The following SH3RF2 variants were observed in gnomAD, a reference collection of about 807,000 sequenced individuals.
The protein encoded by SH3RF2 is E3 ubiquitin-protein ligase SH3RF2.
In SH3RF2, 43 loss-of-function variants were observed where a neutral mutation model predicts 59.0. The ratio of observed to expected loss-of-function variants is 0.73; its 90% CI spans 0.57 to 0.94. The LOEUF (loss-of-function observed/expected upper bound fraction) is 0.94. Ranked by LOEUF, SH3RF2 falls within the 40% of genes least tolerant of loss-of-function variation. SH3RF2 has a pLI of 0.00. For synonymous variants in SH3RF2, 391 were observed against 391.5 expected (o/e 1.00, Z 0.01); for missense variants, 930 against 940.1 (o/e 0.99, Z 0.14).
At chr5:146,022,981 TTC>T (rs1761387586) in intron 5 of SH3RF2, among the ~76,000 whole-genome samples, 1 of 152,120 alleles carries the variant, frequency 6.6e-6, no homozygotes, top group Non-Finnish European at 1.5e-5. Flanking sequence ...CTTATGAATG[TTC>T]TTAGTGTTTG....
Position 146,041,087 on chromosome 5 carries a change from G to T in SH3RF2, c.1060-6685G>T, listed in dbSNP as rs987151996. On this transcript the variant is annotated intron_variant, in intron 5 of 9. Transcript: ENST00000359120. ...CTACAGAAAGGACTCTGAGCCTAGG[G>T]TCCTTGCTTCTGGCATCAAGCTGTC... is the stretch of plus-strand genomic sequence containing the variant. 2.6e-5 allele frequency among the ~76,000 whole-genome samples: 4 copies of T among 152,248 alleles called. No homozygotes were observed. In the East Asian group the frequency reaches 7.7e-4, roughly 29 times the overall value.
At chr5:146,048,947 GC>G (rs1480175591) in intron 6 of SH3RF2, 127 bp from the exon 7 acceptor site, 93 of 1,081,494 alleles carry the variant, frequency 8.6e-5, no homozygotes, top group Non-Finnish European at 8.0e-6. Context: ...GAGAACCACC[GC>G]ACCCGCTCGA....
intron 2 of SH3RF2, among the ~76,000 whole-genome samples, chr5:145,952,784 T>C (rs1331127605): frequency 6.6e-6 from 1 of 152,086 alleles, no homozygotes; most frequent in Admixed American, 6.6e-5. Context: ...TGGCATCATA[T>C]AGGGAAGAGA....
At chr5:146,038,505 A>C (rs1171313951) in intron 5 of SH3RF2, among the ~76,000 whole-genome samples, 6 of 152,240 alleles carry the variant, frequency 3.9e-5, no homozygotes, top group African/African-American at 1.4e-4. Flanking sequence ...CAATATAAGA[A>C]AGTCAAGTTC....
At chr5:145,943,387 C>T (rs1757892791) in intron 2 of SH3RF2, among the ~76,000 whole-genome samples, 1 of 152,138 alleles carries the variant, frequency 6.6e-6, no homozygotes, top group African/African-American at 2.4e-5. Context: ...AGAACTGTTA[C>T]ATATCCTGAT....
intron 4 of SH3RF2, among the ~76,000 whole-genome samples, chr5:146,012,304 G>T (rs969250115): frequency 5.3e-5 from 8 of 152,140 alleles, no homozygotes; most frequent in Admixed American, 3.9e-4. Context: ...TGTTCATCAG[G>T]GATATTGGTC....
intron 2 of SH3RF2, among the ~76,000 whole-genome samples, chr5:145,987,429 T>C (rs1025762057): frequency 3.9e-5 from 6 of 152,142 alleles, no homozygotes; most frequent in Non-Finnish European, 8.8e-5. Context: ...AGTGAGAACA[T>C]ACAACGGAGA....
chr5:145,958,076 A>G (rs6887975), intron 2 of SH3RF2, among the ~76,000 whole-genome samples: 15,502 of 151,644 alleles, frequency 0.1, 2,560 homozygotes, highest in African/African-American at 0.35. Context: ...TCATGCCACT[A>G]CACTCCAGCC....
At position 145,984,082 on chromosome 5, in the gene SH3RF2, T is replaced by C. The variant is rs143000273; in HGVS notation, c.379-15976T>C. Among the ~76,000 whole-genome samples the C allele has an allele frequency of 5.3e-5, 8 of 152,224 alleles. No individual in the cohort carries two copies. The East Asian group carries it at 1.3e-3, about 26-fold the overall frequency. Reference sequence around the variant, plus strand: ...TTGATTTACTCTTCCATTTGTTTGTTTAACAAATAAATGAGTGCTTACTAG... The same window carrying C: ...TTGATTTACTCTTCCATTTGTTTGTCTAACAAATAAATGAGTGCTTACTAG... On this transcript the variant is annotated intron_variant, in intron 2 of 9. Transcript: ENST00000359120.
chr5:146,064,807 G>GGAAAGAAAGAAAGAAA (rs1216580727), downstream of SH3RF2, among the ~76,000 whole-genome samples: 4 of 18,338 alleles, frequency 2.2e-4, no homozygotes, highest in African/African-American at 6.7e-4. Context: ...AAGGAAGGAA[G>GGAAAGAAAGAAAGAAA]GAAAGAAAGA....
rs961530102 is a variant in SH3RF2 at position 146,060,023 on chromosome 5, G to T, written c.1713G>T (p.Gly571=). The change falls in exon 9 of 10, where the codon GGG becomes GGT. Residue 571 remains glycine, a synonymous_variant. Coordinates refer to ENST00000359120, the MANE Select transcript of SH3RF2 (RefSeq NM_152550.4). The part of the protein sequence containing the change: ...SSPSAVVVEM[G]SKPALTGEPA... Reference sequence around the variant, plus strand: ...CCTCAGCCGTGGTGGTGGAGATGGGGTCCAAGCCTGCCCTCACGGGGGAGC... The same window carrying T: ...CCTCAGCCGTGGTGGTGGAGATGGGTTCCAAGCCTGCCCTCACGGGGGAGC... 1.2e-6 allele frequency: 2 copies of T among 1,610,150 alleles called. No homozygotes were observed. Among genetic ancestry groups the T allele is most frequent in the Non-Finnish European group, 1.7e-6 (2 of 1,178,116 alleles).
chr5:145,948,541 A>C (rs1412527616), intron 2 of SH3RF2, among the ~76,000 whole-genome samples: 1 of 152,238 alleles, frequency 6.6e-6, no homozygotes, highest in East Asian at 1.9e-4. Context: ...GCCTATTAGG[A>C]AAACATTAGC....
At chr5:146,033,894 T>C (rs1193210900) in intron 5 of SH3RF2, among the ~76,000 whole-genome samples, 2 of 152,180 alleles carry the variant, frequency 1.3e-5, no homozygotes, top group Non-Finnish European at 2.9e-5. Context: ...TATATCCCCA[T>C]TGTTTGTTGT....
intron 5 of SH3RF2, among the ~76,000 whole-genome samples, chr5:146,018,904 T>C (rs1761208774): frequency 6.6e-6 from 1 of 151,986 alleles, no homozygotes; most frequent in African/African-American, 2.4e-5. Flanking sequence ...CATTTTTATA[T>C]GTTTGTTGGC....
intron 2 of SH3RF2, among the ~76,000 whole-genome samples, chr5:145,976,646 T>C (rs1299221349): frequency 6.6e-6 from 1 of 152,218 alleles, no homozygotes; most frequent in East Asian, 1.9e-4. Flanking sequence ...CATTGACTGA[T>C]AGAATATCTG....
At chr5:146,006,843 T>C (rs1760666523) in intron 4 of SH3RF2, among the ~76,000 whole-genome samples, 1 of 152,314 alleles carries the variant, frequency 6.6e-6, no homozygotes, top group South Asian at 2.1e-4. Context: ...GCTCACATAG[T>C]CACTCAGGAA....
intron 2 of SH3RF2, among the ~76,000 whole-genome samples, chr5:145,988,631 T>A (rs1759807605): frequency 6.6e-6 from 1 of 152,028 alleles, no homozygotes; most frequent in Non-Finnish European, 1.5e-5. Flanking sequence ...TGAAGTAAAG[T>A]TTTCTATGAA....
rs1254457782 is a variant in SH3RF2 at position 146,038,396 on chromosome 5, T to A, written c.1060-9376T>A. On this transcript the variant is annotated intron_variant, in intron 5 of 9. Transcript: ENST00000359120. ...AAAGGAAGAAATATAACTGTCATTA[T>A]TTGCAGATGATACTATTGTCTATAT... 2.6e-5 allele frequency among the ~76,000 whole-genome samples: 4 copies of A among 152,262 alleles called. No individual in the cohort carries two copies. The East Asian group carries it at 7.7e-4, about 29-fold the overall frequency.
intron 2 of SH3RF2, among the ~76,000 whole-genome samples, chr5:145,970,280 C>T (rs57579559): frequency 6.6e-6 from 1 of 151,926 alleles, no homozygotes; most frequent in Non-Finnish European, 1.5e-5. Flanking sequence ...CCCCTGCCAC[C>T]CTTCCCCCAG....
Sources: allele counts gnomAD v4.1 joint callset (sites outside exome capture counted in the v4.1 genomes callset), GRCh38; gene constraint gnomAD v4.1.1; transcripts MANE v1.5; gene names NCBI Gene and HGNC (gene_info 2026-07-23, HGNC 2026-07-21).